Variants in CHD8 observed in about 807,000 individuals in gnomAD.
CHD8 encodes the protein chromodomain helicase DNA binding protein 8, also known as ATP-dependent chromatin remodeler CHD8.
CHD8 carries 31 observed loss-of-function variants against 279.2 expected under a neutral mutation model. That is an observed-to-expected ratio of 0.11 (90% CI 0.08 to 0.15). The LOEUF is 0.15. CHD8 is among the 10% of genes least tolerant of loss of function. The pLI, the probability that CHD8 is intolerant of heterozygous loss-of-function variation, is 1.00. For missense variants in CHD8, 2,146 were observed against 3,230.5 expected (o/e 0.66, Z 8.14); for synonymous variants, 1,081 against 1,139.6 (o/e 0.95, Z 1.04).
At chr14:21,451,333 G>A (rs1280232588) in intron 1 of CHD8, among the ~76,000 whole-genome samples, 1 of 152,028 alleles carries the variant, frequency 6.6e-6, no homozygotes, top group Non-Finnish European at 1.5e-5. Flanking sequence ...TCTTAGGGAG[G>A]CAGAGGCAGG....
intron 1 of CHD8, among the ~76,000 whole-genome samples, chr14:21,433,028 C>T (rs1191268088): frequency 3.9e-5 from 6 of 152,138 alleles, no homozygotes; most frequent in Admixed American, 3.3e-4. Flanking sequence ...TGTACCATGG[C>T]CCAGCTCCTC....
chr14:21,412,848 A>G, intron 10 of CHD8, 65 bp downstream of exon 10: 2 of 1,005,626 alleles, frequency 2.0e-6, no homozygotes, highest in Non-Finnish European at 3.2e-6. Context: ...AAAATAAAGG[A>G]TTGGCAAACC....
intron 37 of CHD8, among the ~76,000 whole-genome samples, chr14:21,386,824 G>A (rs1190826084): frequency 2.2e-5 from 3 of 139,410 alleles, no homozygotes; most frequent in South Asian, 2.2e-4. Flanking sequence ...GAGCGACAGC[G>A]AGACTCCGTC....
intron 11 of CHD8, 149 bp downstream of exon 11, chr14:21,409,702 G>T (rs952589907): frequency 1.4e-4 from 86 of 617,806 alleles, no homozygotes; most frequent in Non-Finnish European, 1.4e-4. Context: ...TAATTGTTAC[G>T]TGGGTGATGG....
Position 21,405,687 on chromosome 14 carries a change from C to A in CHD8, c.3051+34G>T, listed in dbSNP as rs1474238302. The A allele has an allele frequency of 7.5e-6, 12 of 1,609,210 alleles. No homozygotes were observed. The highest frequency in any genetic ancestry group is 1.0e-5 in the Non-Finnish European group (12 of 1,177,528). On this transcript the variant is annotated intron_variant, in intron 15 of 37. Transcript: ENST00000646647. The surrounding 1 kb of genome is among the most constrained non-coding windows in gnomAD (Gnocchi z 4.2). The stretch of plus-strand genomic sequence containing the variant: ...CTTGTACAAACTTCACCTTCTTTGT[C>A]CTGAGTTAGTACCTCATCAGATAGA...
intron 37 of CHD8, among the ~76,000 whole-genome samples, chr14:21,386,888 T>C (rs978584936): frequency 1.4e-4 from 22 of 151,854 alleles, no homozygotes; most frequent in African/African-American, 5.3e-4. Flanking sequence ...TGTTCACTTG[T>C]TCTTACTATG....
intron 30 of CHD8, 34 bp downstream of exon 30, chr14:21,394,876 AAC>A (rs1887708702): frequency 3.1e-6 from 5 of 1,601,924 alleles, no homozygotes; most frequent in Non-Finnish European, 4.3e-6. Context: ...CATAACTGAA[AAC>A]ACAGATCAGC....
rs1888116061 is a variant in CHD8, at chr14:21,403,371, C to T, written c.3518+82G>A. On this transcript the variant is annotated intron_variant, in intron 17 of 37. Transcript: ENST00000646647. The surrounding 1 kb of genome is among the most constrained non-coding windows in gnomAD (Gnocchi z 4.3). ...AACTTCTCTTATTGCAATTGGTGAA[C>T]TCTAATTAAATCCAGGCCCTCCTAC... The T allele has an allele frequency of 1.5e-6, 2 of 1,309,864 alleles. No homozygotes were observed. Among genetic ancestry groups the T allele is most frequent in the African/African-American group, 1.5e-5 (1 of 67,576 alleles). The allele number at this position is 1,309,864 out of a possible 1,614,324, so 81.1% of individuals were successfully genotyped here.
At chr14:21,396,248 G>A (rs928992551) in intron 27 of CHD8, among the ~76,000 whole-genome samples, 1 of 151,988 alleles carries the variant, frequency 6.6e-6, no homozygotes, top group African/African-American at 2.4e-5. Flanking sequence ...CACACGCCTT[G>A]GCATCCCAAA....
At chr14:21,441,646 T>C (rs1424966972) in intron 1 of CHD8, among the ~76,000 whole-genome samples, 2 of 151,590 alleles carry the variant, frequency 1.3e-5, no homozygotes, top group Non-Finnish European at 2.9e-5. Flanking sequence ...CCCAGCACTT[T>C]GGGAGGCCAA....
intron 1 of CHD8, chr14:21,437,060 G>T: frequency 1.4e-6 from 1 of 720,812 alleles, no homozygotes; most frequent in Non-Finnish European, 2.1e-6. Context: ...ACGGGAAGAT[G>T]CGGGGGGTGG....
chr14:21,441,793 G>A (rs1192702363), intron 1 of CHD8, among the ~76,000 whole-genome samples: 1 of 152,208 alleles, frequency 6.6e-6, no homozygotes, highest in Non-Finnish European at 1.5e-5. Flanking sequence ...GGAGGCTGAG[G>A]CAGGAGAATG....
chr14:21,449,879 A>G (rs951625030), intron 1 of CHD8, among the ~76,000 whole-genome samples: 12 of 152,220 alleles, frequency 7.9e-5, no homozygotes, highest in African/African-American at 2.9e-4. Flanking sequence ...CACTGCCTAC[A>G]CTATATAGTT....
At chr14:21,453,116 T>C (rs1890299303) in intron 1 of CHD8, among the ~76,000 whole-genome samples, 1 of 151,700 alleles carries the variant, frequency 6.6e-6, no homozygotes, top group African/African-American at 2.4e-5. Context: ...CAAGACCAGC[T>C]GGGGCAAGAT....
Position 21,434,009 on chromosome 14 carries a change from G to GCTAA in CHD8, c.-215-2152_-215-2151insTTAG, listed in dbSNP as rs772228395. On this transcript the variant is annotated intron_variant, in intron 1 of 37. Coordinates refer to ENST00000646647, the MANE Select transcript of CHD8 (RefSeq NM_001170629.2). ...TCAGAAGTTAAAGTATCTACAGCTAGGAGTAATATAAAAACAACAGTGAAA... is the reference window on the plus strand; with the variant it reads ...TCAGAAGTTAAAGTATCTACAGCTAGCTAAGAGTAATATAAAAACAACAGTGAAA... Among the ~76,000 whole-genome samples, 808 of 151,230 alleles carry GCTAA rather than the reference G, an allele frequency of 5.3e-3. 7 individuals carry two copies. Among genetic ancestry groups the GCTAA allele is most frequent in the Middle Eastern group, 0.01 (3 of 286 alleles).
intron 13 of CHD8, among the ~76,000 whole-genome samples, chr14:21,407,609 C>G (rs1246415670): frequency 6.6e-6 from 1 of 150,884 alleles, no homozygotes; most frequent in African/African-American, 2.4e-5. Flanking sequence ...GGAACTGATC[C>G]TTTTTTTTTC....
At chr14:21,455,384 G>C (rs1395649473) in intron 1 of CHD8, among the ~76,000 whole-genome samples, 1 of 152,148 alleles carries the variant, frequency 6.6e-6, no homozygotes, top group Non-Finnish European at 1.5e-5. Context: ...TCTTCTATCA[G>C]TGACGAGTTT....
chr14:21,448,723 ATT>A (rs563979717), intron 1 of CHD8, among the ~76,000 whole-genome samples: 2 of 146,556 alleles, frequency 1.4e-5, no homozygotes, highest in African/African-American at 2.5e-5. Flanking sequence ...CACCTGGCTA[ATT>A]TTTTTTTTTT....
At chr14:21,391,152 A>G in intron 36 of CHD8, 89 bp from the exon 37 acceptor site, 1 of 887,254 alleles carries the variant, frequency 1.1e-6, no homozygotes, top group Non-Finnish European at 1.8e-6. Context: ...TTTGATAATA[A>G]ACACTTATTA....
Sources: allele counts gnomAD v4.1 joint callset (sites outside exome capture counted in the v4.1 genomes callset), GRCh38; gene constraint gnomAD v4.1.1; non-coding constraint Gnocchi (gnomAD v3.1); transcripts MANE v1.5; gene names NCBI Gene and HGNC (gene_info 2026-07-23, HGNC 2026-07-21).